KCNJ6: variants seen among roughly 807,000 people sequenced by gnomAD.
KCNJ6 encodes G protein-activated inward rectifier potassium channel 2.
Under a neutral mutation model 34.2 loss-of-function variants are expected in KCNJ6, and 9 were observed. The observed-to-expected ratio is 0.26, with a 90% CI of 0.16 to 0.46. The LOEUF (loss-of-function observed/expected upper bound fraction) is 0.46, where lower values mean the gene tolerates loss of function less well. Among genes scored for constraint, KCNJ6 ranks in the 20% least tolerant of loss-of-function variants. The pLI is 1.00. For synonymous variants in KCNJ6, 196 were observed against 207.1 expected (o/e 0.95, Z 0.46); for missense variants, 236 against 531.3 (o/e 0.44, Z 5.46).
intron 2 of KCNJ6, among the ~76,000 whole-genome samples, chr21:37,760,136 A>G (rs2055053285): frequency 6.6e-6 from 1 of 152,180 alleles, no homozygotes. Flanking sequence ...TGGAACCTAC[A>G]AGAGAATAAG....
chr21:37,780,741 G>A (rs1235016311), intron 2 of KCNJ6, among the ~76,000 whole-genome samples: 2 of 152,150 alleles, frequency 1.3e-5, no homozygotes, highest in Admixed American at 6.5e-5. Flanking sequence ...TGGATAGTTT[G>A]TAACACAAAG....
At chr21:37,884,169 G>A (rs1175336879) in intron 1 of KCNJ6, among the ~76,000 whole-genome samples, 4 of 152,228 alleles carry the variant, frequency 2.6e-5, no homozygotes, top group Non-Finnish European at 5.9e-5. Flanking sequence ...TCTCTAGTAT[G>A]TCTGGGCCTA....
At chr21:37,718,466 G>A (rs1035813846) in intron 2 of KCNJ6, among the ~76,000 whole-genome samples, 11 of 152,180 alleles carry the variant, frequency 7.2e-5, no homozygotes, top group Admixed American at 7.2e-4. Flanking sequence ...ATGAATGTCT[G>A]GGTTTAGTGT....
intron 3 of KCNJ6, among the ~76,000 whole-genome samples, chr21:37,710,432 G>A (rs994529857): frequency 1.3e-5 from 2 of 152,168 alleles, no homozygotes; most frequent in Non-Finnish European, 1.5e-5. Context: ...GCAGAATGAC[G>A]GGGACACAGA....
intron 1 of KCNJ6, among the ~76,000 whole-genome samples, chr21:37,861,310 T>A (rs1273938210): frequency 6.6e-6 from 1 of 152,298 alleles, no homozygotes; most frequent in East Asian, 1.9e-4. Flanking sequence ...CTTGGAGGCC[T>A]CTGTCCTTGG....
chr21:37,744,829 T>A (rs1460071839), intron 2 of KCNJ6, among the ~76,000 whole-genome samples: 1 of 152,136 alleles, frequency 6.6e-6, no homozygotes, highest in Non-Finnish European at 1.5e-5. Flanking sequence ...GGAGGTTATT[T>A]TCAAACCTCT....
intron 2 of KCNJ6, among the ~76,000 whole-genome samples, chr21:37,784,517 C>T (rs1220227455): frequency 6.6e-6 from 1 of 152,186 alleles, no homozygotes; most frequent in Non-Finnish European, 1.5e-5. Context: ...GGTCTTTGCA[C>T]ATGTTATAGG....
chr21:37,696,624 T>A (rs1027579047), intron 3 of KCNJ6, among the ~76,000 whole-genome samples: 11 of 152,134 alleles, frequency 7.2e-5, no homozygotes, highest in Admixed American at 6.6e-4. Context: ...AAGAAATGGT[T>A]GGAAAAATTG....
At chr21:37,639,112 C>T (rs964925496) in intron 3 of KCNJ6, among the ~76,000 whole-genome samples, 2 of 152,230 alleles carry the variant, frequency 1.3e-5, no homozygotes, top group African/African-American at 4.8e-5. Context: ...GAAAGCCAAT[C>T]AGAAAGCTTC....
Position 37,611,149 on chromosome 21 carries a change from G to A in KCNJ6, c.*14010C>T, listed in dbSNP as rs2054241590. 6.6e-6 allele frequency: 1 copy of A among 152,148 alleles called. No individual in the cohort carries two copies. Among genetic ancestry groups the A allele is most frequent in the African/African-American group, 2.4e-5 (1 of 41,440 alleles). The allele number at this position is 152,148 out of a possible 1,614,324, so 9.4% of individuals were successfully genotyped here. A position where few individuals can be genotyped will look rare whatever the true frequency, so the allele number is the denominator to read the frequency against. ...TACTACTATCAGAAATGAGAGCGGG[G>A]ACGTTACTAGCAATCCCATGGAGGT... On this transcript the variant is annotated 3_prime_UTR_variant, in exon 4 of 4. Transcript: ENST00000609713.
At chr21:37,772,098 T>C (rs1184529096) in intron 2 of KCNJ6, among the ~76,000 whole-genome samples, 1 of 152,226 alleles carries the variant, frequency 6.6e-6, no homozygotes, top group Non-Finnish European at 1.5e-5. Flanking sequence ...TGCCTTTTAC[T>C]TCACCCATAG....
At chr21:37,687,300 A>G (rs1391285079) in intron 3 of KCNJ6, among the ~76,000 whole-genome samples, 4 of 152,124 alleles carry the variant, frequency 2.6e-5, no homozygotes, top group Non-Finnish European at 5.9e-5. Context: ...CAGACTCACC[A>G]CTTTTCAGTT....
intron 3 of KCNJ6, among the ~76,000 whole-genome samples, chr21:37,682,981 C>T (rs921061766): frequency 6.6e-6 from 1 of 152,302 alleles, no homozygotes; most frequent in South Asian, 2.1e-4. Flanking sequence ...TGGGGAACCG[C>T]GCTTCGGCCA....
At chr21:37,689,708 G>A (rs1057126402) in intron 3 of KCNJ6, among the ~76,000 whole-genome samples, 4 of 151,918 alleles carry the variant, frequency 2.6e-5, no homozygotes, top group Non-Finnish European at 4.4e-5. Context: ...ATGTCATGCC[G>A]GGCTATGTTT....
intron 2 of KCNJ6, among the ~76,000 whole-genome samples, chr21:37,773,935 C>T (rs1484567025): frequency 1.3e-5 from 2 of 152,104 alleles, no homozygotes; most frequent in Non-Finnish European, 2.9e-5. Context: ...TCTCATGACC[C>T]CGTATTTCCT....
intron 1 of KCNJ6, among the ~76,000 whole-genome samples, chr21:37,904,246 C>T (rs1568890988): frequency 6.6e-6 from 1 of 152,138 alleles, no homozygotes; most frequent in Admixed American, 6.5e-5. Flanking sequence ...ATGCTGGATC[C>T]CATGTTCTAG....
At chr21:37,824,746 G>A (rs1289800484) in intron 2 of KCNJ6, among the ~76,000 whole-genome samples, 1 of 152,116 alleles carries the variant, frequency 6.6e-6, no homozygotes, top group African/African-American at 2.4e-5. Flanking sequence ...TGCCATAATT[G>A]TAAGTTTCCT....
intron 2 of KCNJ6, among the ~76,000 whole-genome samples, chr21:37,750,135 T>C (rs1488008242): frequency 6.6e-6 from 1 of 152,140 alleles, no homozygotes; most frequent in Admixed American, 6.6e-5. Flanking sequence ...AAAAAGCTCA[T>C]CATCACTGGT....
chr21:37,891,947 C>T (rs2055764188), intron 1 of KCNJ6, among the ~76,000 whole-genome samples: 2 of 152,186 alleles, frequency 1.3e-5, no homozygotes, highest in African/African-American at 4.8e-5. Context: ...GGTGGAGACA[C>T]GCATCACATG....
Sources: allele counts gnomAD v4.1 joint callset (sites outside exome capture counted in the v4.1 genomes callset), GRCh38; gene constraint gnomAD v4.1.1; transcripts MANE v1.5; gene names NCBI Gene and HGNC (gene_info 2026-07-23, HGNC 2026-07-21).